Variants in PHACTR2 observed in about 807,000 individuals in gnomAD.
The protein encoded by PHACTR2 is chromosome 6 open reading frame 56.
A neutral mutation model predicts 76.0 loss-of-function variants in PHACTR2; 30 were observed. That is an observed-to-expected ratio of 0.39 (90% CI 0.30 to 0.54). The LOEUF is 0.54. Ranked by LOEUF, PHACTR2 falls within the 20% of genes least tolerant of loss-of-function variation. PHACTR2 has a pLI of 0.61. For synonymous variants in PHACTR2, 292 were observed against 292.5 expected, an observed-to-expected ratio of 1.00 and a Z score of 0.02; for missense variants, 696 against 781.1, an observed-to-expected ratio of 0.89 and a Z score of 1.30.
chr6:143,637,257 AT>A (rs900079714), intron 1 of PHACTR2, among the ~76,000 whole-genome samples: 9 of 151,746 alleles, frequency 5.9e-5, no homozygotes, highest in African/African-American at 1.2e-4. Flanking sequence ...CTTCCAAATA[AT>A]TTTTTTTCTA....
At chr6:143,644,759 G>GTT (rs1230383417) in intron 1 of PHACTR2, among the ~76,000 whole-genome samples, 2 of 129,098 alleles carry the variant, frequency 1.5e-5, no homozygotes, top group East Asian at 2.3e-4. Flanking sequence ...CTTAGGGTTT[G>GTT]TTTTTTTTTT....
rs1282960880 is a variant in PHACTR2 at position 143,764,684 on chromosome 6, G to A, written c.695-577G>A. Among the ~76,000 whole-genome samples the A allele has an allele frequency of 6.6e-6, 1 of 152,080 alleles. No homozygotes were observed. The highest frequency in any genetic ancestry group is 6.5e-5 in the Admixed American group (1 of 15,272). On this transcript the variant is annotated intron_variant, in intron 5 of 12. Transcript: ENST00000440869. This position sits in a 1 kb window ranked among gnomAD's most constrained non-coding sequence, Gnocchi z 4.7. ...AGATGGAAGTAGAGTCCAGCATGGC[G>A]AGCTTTCTTCTCTGGAGCTACTGGA...
intron 6 of PHACTR2, among the ~76,000 whole-genome samples, chr6:143,766,026 A>G (rs575988785): frequency 5.4e-4 from 83 of 152,300 alleles, no homozygotes; most frequent in East Asian, 1.3e-3. Flanking sequence ...CTTGAGATCA[A>G]TGTTTTCAAG....
chr6:143,636,219 A>C (rs1419375191), intron 1 of PHACTR2, among the ~76,000 whole-genome samples: 1 of 151,828 alleles, frequency 6.6e-6, no homozygotes, highest in Non-Finnish European at 1.5e-5. Context: ...TCTCAGAAAA[A>C]AAAAAAAAAA....
chr6:143,759,783 A>G (rs550076141), intron 4 of PHACTR2, among the ~76,000 whole-genome samples: 1 of 152,228 alleles, frequency 6.6e-6, no homozygotes, highest in East Asian at 1.9e-4. Context: ...AAATTTTGCT[A>G]GTAGAAGATG....
At chr6:143,770,584 T>A (rs945538883) in intron 6 of PHACTR2, among the ~76,000 whole-genome samples, 1 of 152,236 alleles carries the variant, frequency 6.6e-6, no homozygotes, top group African/African-American at 2.4e-5. Flanking sequence ...GTTGGGTTTT[T>A]CTGATAAGTG....
At chr6:143,703,978 C>T (rs1208956856) in intron 1 of PHACTR2, among the ~76,000 whole-genome samples, 1 of 152,026 alleles carries the variant, frequency 6.6e-6, no homozygotes, top group East Asian at 1.9e-4. Flanking sequence ...TCATATGTCT[C>T]TGATGAACAC....
intron 1 of PHACTR2, among the ~76,000 whole-genome samples, chr6:143,565,341 G>C (rs1419232366): frequency 6.6e-6 from 1 of 152,210 alleles, no homozygotes; most frequent in Admixed American, 6.5e-5. Flanking sequence ...GTGCCAGGCC[G>C]GGCGCGGTGG....
rs1454089420 is a variant in PHACTR2, at chr6:143,809,015, GA to G, written c.1922+1883del. Among the ~76,000 whole-genome samples the G allele has an allele frequency of 6.6e-6, 1 of 152,224 alleles. No individual in the cohort carries two copies. The highest frequency in any genetic ancestry group is 1.9e-4 in the East Asian group (1 of 5,198). On this transcript the variant is annotated intron_variant, in intron 12 of 12. Coordinates refer to ENST00000440869, the MANE Select transcript of PHACTR2 (RefSeq NM_001100164.2). The surrounding 1 kb of genome is among the most constrained non-coding windows in gnomAD (Gnocchi z 4.2). ...GCTGGGGCCTCCGGGCAACTGGGAA[GA>G]TAGAGTGCTTGGTGCAGTTGGGTCC...
At position 143,807,106 on chromosome 6, in the gene PHACTR2, T is replaced by C; in HGVS notation, c.1895T>C (p.Val632Ala). 1 of 1,607,978 alleles carries C rather than the reference T, an allele frequency of 6.2e-7. No homozygotes were observed. The highest frequency in any genetic ancestry group is 8.5e-7 in the Non-Finnish European group (1 of 1,175,510). The change falls in exon 12 of 13, where the codon GTT becomes GCT. Residue 632 changes from valine to alanine, a missense_variant. Physicochemically the swap from Val to Ala is moderately conservative, Grantham distance 64. Transcript: ENST00000440869. This position sits in a 1 kb window ranked among gnomAD's most constrained non-coding sequence, Gnocchi z 5.5. The stretch of plus-strand genomic sequence containing the variant: ...GAATTTAAAAGCACAGAAATGGAAG[T>C]TCATGAAGAGAGTCGACAGTTTACA... ...LNEFKSTEMEVHEESRQFTRF... is the reference protein window; with the variant it reads ...LNEFKSTEMEAHEESRQFTRF...
Position 143,623,111 on chromosome 6 carries a change from G to C in PHACTR2, c.13+14789G>C, listed in dbSNP as rs1206633364. Among the ~76,000 whole-genome samples the C allele has an allele frequency of 6.6e-6, 1 of 152,098 alleles. No homozygotes were observed. The highest frequency in any genetic ancestry group is 2.4e-5 in the African/African-American group (1 of 41,422). On this transcript the variant is annotated intron_variant, in intron 1 of 11. Coordinates refer to the PHACTR2 transcript ENST00000305766. The surrounding 1 kb of genome is among the most constrained non-coding windows in gnomAD (Gnocchi z 5.9). ...TAAAATGTTTTCAGGAAATGTGAGA[G>C]TGGAAAAAAGCAATTTTTAAAAATA...
rs895714210 is a variant in PHACTR2 at position 143,543,427 on chromosome 6, C to T, written c.217+6220C>T. On this transcript the variant is annotated intron_variant, in intron 1 of 11. Transcript: ENST00000367584. This position sits in a 1 kb window ranked among gnomAD's most constrained non-coding sequence, Gnocchi z 4.7. ...GAACTCACAGTTTAGTGGGGAAAGA[C>T]AGGCCAATAAGCCAAAGACCACAGT... 3.3e-5 allele frequency among the ~76,000 whole-genome samples: 5 copies of T among 152,196 alleles called. No homozygotes were observed. The highest frequency in any genetic ancestry group is 1.3e-4 in the Admixed American group (2 of 15,280).
At chr6:143,817,076 C>A (rs1776312367) in intron 12 of PHACTR2, among the ~76,000 whole-genome samples, 1 of 149,518 alleles carries the variant, frequency 6.7e-6, no homozygotes, top group South Asian at 2.2e-4. Context: ...CCCCACCCCC[C>A]AAAAAAGAAG....
At position 143,598,161 on chromosome 6, in the gene PHACTR2, C is replaced by A. The variant is rs117811357; in HGVS notation, c.217+60954C>A. Among the ~76,000 whole-genome samples, 2,430 of 151,942 alleles carry A rather than the reference C, an allele frequency of 0.016. 33 individuals are homozygous for A. Among genetic ancestry groups the A allele is most frequent in the South Asian group, 0.035 (166 of 4,810 alleles). ...ATGTTACTTTACATGGCAAAAGGGACTTTGCAGATGTGAAGACGTTAAGGA... is the reference window on the plus strand; with the variant it reads ...ATGTTACTTTACATGGCAAAAGGGAATTTGCAGATGTGAAGACGTTAAGGA... On this transcript the variant is annotated intron_variant, in intron 1 of 11. Coordinates refer to the PHACTR2 transcript ENST00000367584. The surrounding 1 kb of genome is among the most constrained non-coding windows in gnomAD (Gnocchi z 4.1).
At position 143,731,520 on chromosome 6, in the gene PHACTR2, C is replaced by G. The variant is rs779757274; in HGVS notation, c.215-17465C>G. 7.2e-5 allele frequency among the ~76,000 whole-genome samples: 11 copies of G among 152,192 alleles called. No homozygotes were observed. Among genetic ancestry groups the G allele is most frequent in the Non-Finnish European group, 4.4e-5 (3 of 68,024 alleles). The stretch of plus-strand genomic sequence containing the variant: ...CAGGCTGGTCTCGAACTCTGGACCT[C>G]AGGTGATCTGCCCGCCTCGGCCTCC... On this transcript the variant is annotated intron_variant, in intron 2 of 12. Coordinates refer to ENST00000440869, the MANE Select transcript of PHACTR2 (RefSeq NM_001100164.2). This position sits in a 1 kb window ranked among gnomAD's most constrained non-coding sequence, Gnocchi z 4.9.
In PHACTR2 at chr6:143,699,354, A is replaced by T. The variant is rs201574458; in HGVS notation, c.47-12662A>T. Among the ~76,000 whole-genome samples the T allele has an allele frequency of 2.4e-4, 36 of 152,186 alleles. No individual in the cohort carries two copies. In the East Asian group the frequency reaches 6.0e-3, roughly 25 times the overall value. ...ATGAACCTGCTTGAGTGTCCTTCAC[A>T]CTTTATGAACTTAAAACAAACAGCA... On this transcript the variant is annotated intron_variant, in intron 1 of 12. Coordinates refer to ENST00000440869, the MANE Select transcript of PHACTR2 (RefSeq NM_001100164.2).
chr6:143,636,752 G>A (rs12211319), intron 1 of PHACTR2, among the ~76,000 whole-genome samples: 88,566 of 152,100 alleles, frequency 0.58, 27,646 homozygotes, highest in Non-Finnish European at 0.71. Flanking sequence ...GTATATTATT[G>A]TTTTCATTAT....
intron 2 of PHACTR2, among the ~76,000 whole-genome samples, chr6:143,714,483 C>T (rs913519434): frequency 6.6e-6 from 1 of 152,200 alleles, no homozygotes; most frequent in South Asian, 2.1e-4. Context: ...GGGTCCCATT[C>T]GTGGCCAGTT....
intron 1 of PHACTR2, chr6:143,555,063 T>C (rs1775152542): frequency 1.3e-5 from 2 of 152,232 alleles, no homozygotes; most frequent in East Asian, 1.9e-4. Flanking sequence ...TCCATACACA[T>C]ACGGAGGATT....
Sources: allele counts gnomAD v4.1 joint callset (sites outside exome capture counted in the v4.1 genomes callset), GRCh38; gene constraint gnomAD v4.1.1; non-coding constraint Gnocchi (gnomAD v3.1); transcripts MANE v1.5; gene names NCBI Gene and HGNC (gene_info 2026-07-23, HGNC 2026-07-21).